The following FAM149A variants were observed in gnomAD, a reference collection of about 807,000 sequenced individuals.
FAM149A encodes the protein protein FAM149A.
FAM149A carries 71 observed loss-of-function variants against 78.2 expected under a neutral mutation model. That is an observed-to-expected ratio of 0.91 (90% CI 0.75 to 1.11). The LOEUF (loss-of-function observed/expected upper bound fraction) is 1.11, where lower values mean the gene tolerates loss of function less well. Ranked by LOEUF, FAM149A falls within the 50% of genes least tolerant of loss-of-function variation. FAM149A has a pLI of 0.00. For synonymous variants in FAM149A, 446 were observed against 410.5 expected, an observed-to-expected ratio of 1.09 and a Z score of -1.04; for missense variants, 1,036 against 971.0, an observed-to-expected ratio of 1.07 and a Z score of -0.89.
chr4:186,106,463 C>T (rs1340598487), intron 1 of FAM149A, among the ~76,000 whole-genome samples: 3 of 152,006 alleles, frequency 2.0e-5, no homozygotes, highest in Non-Finnish European at 4.4e-5. Flanking sequence ...CTGAATGCTG[C>T]AAAGAAATAG....
At chr4:186,146,378 C>T in intron 1 of FAM149A, 1 of 747,934 alleles carries the variant, frequency 1.3e-6, no homozygotes, top group Non-Finnish European at 1.6e-6. Flanking sequence ...CCCATTTCCC[C>T]CTGCCCTGCA....
chr4:186,154,793 G>A, intron 6 of FAM149A, 155 bp downstream of exon 6: 1 of 985,312 alleles, frequency 1.0e-6, no homozygotes, highest in South Asian at 4.7e-5. Context: ...AGAGCTTTTG[G>A]ATTCCTAGCC....
intron 13 of FAM149A, chr4:186,171,275 C>T (rs1735501763): frequency 6.6e-6 from 1 of 152,298 alleles, no homozygotes; most frequent in Non-Finnish European, 1.5e-5. Context: ...GGCCCAGACG[C>T]ACCGCTTCAG....
At chr4:186,167,122 T>C in intron 12 of FAM149A, 26 bp downstream of exon 12, 4 of 1,603,062 alleles carry the variant, frequency 2.5e-6, no homozygotes, top group South Asian at 1.1e-5. Context: ...CCTGTAACTT[T>C]AATTTTGAAA....
chr4:186,136,119 G>C (rs2099322577), intron 1 of FAM149A, among the ~76,000 whole-genome samples: 1 of 152,214 alleles, frequency 6.6e-6, no homozygotes, highest in South Asian at 2.1e-4. Flanking sequence ...GTTTTCTGCT[G>C]TGCTGTTTAA....
At chr4:186,167,379 C>A in intron 13 of FAM149A, 117 bp downstream of exon 13, 1 of 1,011,540 alleles carries the variant, frequency 9.9e-7, no homozygotes, top group Non-Finnish European at 1.6e-6. Context: ...GAGGGAATAG[C>A]AAATGTTTGG....
chr4:186,155,955 C>CT (rs1734005417), intron 6 of FAM149A, 45 bp from the exon 7 acceptor site: 1 of 1,506,306 alleles, frequency 6.6e-7, no homozygotes, highest in Middle Eastern at 1.7e-4. Context: ...TATTTTAACT[C>CT]TAAGCATTGA....
At chr4:186,166,088 G>C (rs1350654992) in intron 11 of FAM149A, among the ~76,000 whole-genome samples, 1 of 152,318 alleles carries the variant, frequency 6.6e-6, no homozygotes, top group South Asian at 2.1e-4. Flanking sequence ...TCTGCGGGGG[G>C]TGTGCTGTGG....
chr4:186,141,322 ATATC>A (rs2099325677), intron 1 of FAM149A, among the ~76,000 whole-genome samples: 1 of 152,212 alleles, frequency 6.6e-6, no homozygotes, highest in Non-Finnish European at 1.5e-5. Flanking sequence ...AAAATTAAAA[ATATC>A]TAATTACCAA....
At chr4:186,155,608 G>T (rs997742777) in intron 6 of FAM149A, among the ~76,000 whole-genome samples, 27 of 152,102 alleles carry the variant, frequency 1.8e-4, no homozygotes, top group Admixed American at 1.2e-3. Flanking sequence ...TACAGTAGAA[G>T]CAGCTCTAAA....
intron 1 of FAM149A, among the ~76,000 whole-genome samples, chr4:186,113,033 CTT>C (rs1561384018): frequency 7.0e-6 from 1 of 142,136 alleles, no homozygotes; most frequent in South Asian, 2.4e-4. Flanking sequence ...GTCCTGGACT[CTT>C]TTTGGTTGGT....
At chr4:186,133,742 A>T (rs1271603990) in intron 1 of FAM149A, among the ~76,000 whole-genome samples, 1 of 152,002 alleles carries the variant, frequency 6.6e-6, no homozygotes, top group Non-Finnish European at 1.5e-5. Context: ...TGCAACCCTG[A>T]CCTCCTGGGC....
intron 1 of FAM149A, chr4:186,110,205 G>C (rs2099310621): frequency 1.0e-6 from 1 of 985,216 alleles, no homozygotes; most frequent in Admixed American, 6.2e-5. Flanking sequence ...CCACTGTCAT[G>C]GGTTTCTAAT....
In FAM149A at chr4:186,172,154, G is replaced by A. The variant is rs1735589663; in HGVS notation, c.*167G>A. 1.3e-5 allele frequency: 14 copies of A among 1,069,594 alleles called. No individual in the cohort carries two copies. The highest frequency in any genetic ancestry group is 2.4e-5 in the South Asian group (1 of 40,892). 66.3% of individuals were successfully genotyped at this position (1,069,594 alleles called of 1,614,324 possible). On this transcript the variant is annotated 3_prime_UTR_variant, in exon 14 of 14. Coordinates refer to ENST00000389354, the MANE Select transcript of FAM149A (RefSeq NM_001367768.3). ...CACTTAATCTTGAACACTTTGCACT[G>A]TAAAGAGAGTGAAAGTCAAACCCAC...
intron 8 of FAM149A, chr4:186,160,766 C>T (rs1734539431): frequency 1.1e-6 from 1 of 949,454 alleles, no homozygotes; most frequent in Non-Finnish European, 1.2e-6. Context: ...ACACACACAC[C>T]ACATCACACC....
rs558114116 is a variant in FAM149A at position 186,170,766 on chromosome 4, T to G, written c.2219-1148T>G. 1.0e-4 allele frequency: 16 copies of G among 152,402 alleles called. No homozygotes were observed. In the East Asian group the frequency reaches 3.1e-3, roughly 29 times the overall value. 9.4% of individuals were successfully genotyped at this position (152,402 alleles called of 1,614,324 possible). On this transcript the variant is annotated intron_variant, in intron 13 of 13. Coordinates refer to ENST00000389354, the MANE Select transcript of FAM149A (RefSeq NM_001367768.3). Reference sequence around the variant, plus strand: ...CACTGAACACCGGATCTCCCAGCACTGTCTGACCTTCAGTCACATTTTAAA... The same window carrying G: ...CACTGAACACCGGATCTCCCAGCACGGTCTGACCTTCAGTCACATTTTAAA...
intron 13 of FAM149A, chr4:186,169,421 C>T (rs1448629298): frequency 6.1e-6 from 6 of 985,282 alleles, no homozygotes; most frequent in Non-Finnish European, 7.2e-6. Flanking sequence ...CCAGGTGAGG[C>T]ACATGTGGCC....
intron 1 of FAM149A, among the ~76,000 whole-genome samples, chr4:186,111,498 A>C (rs1384042856): frequency 1.2e-4 from 18 of 152,094 alleles, no homozygotes; most frequent in Non-Finnish European, 2.6e-4. Context: ...GGTAATACCT[A>C]GGTTTTCTTC....
chr4:186,108,697 C>T (rs1344484389), intron 1 of FAM149A, among the ~76,000 whole-genome samples: 1 of 151,962 alleles, frequency 6.6e-6, no homozygotes, highest in African/African-American at 2.4e-5. Context: ...TGATCCAACA[C>T]CTTTGATCTT....
Sources: allele counts gnomAD v4.1 joint callset (sites outside exome capture counted in the v4.1 genomes callset), GRCh38; gene constraint gnomAD v4.1.1; transcripts MANE v1.5; gene names NCBI Gene and HGNC (gene_info 2026-07-23, HGNC 2026-07-21).